The following PPARGC1A variants were observed in gnomAD, a reference collection of about 807,000 sequenced individuals.
PPARGC1A encodes the protein peroxisome proliferator-activated receptor gamma coactivator 1-alpha.
A neutral mutation model predicts 88.7 loss-of-function variants in PPARGC1A; 25 were observed. The observed-to-expected ratio is 0.28, with a 90% confidence interval of 0.21 to 0.39. The LOEUF is 0.39. Among genes scored for constraint, PPARGC1A ranks in the 10% least tolerant of loss-of-function variants. The pLI, the probability that PPARGC1A is intolerant of heterozygous loss-of-function variation, is 1.00. For synonymous variants in PPARGC1A, 363 were observed against 355.6 expected (o/e 1.02, Z -0.24); for missense variants, 880 against 968.7 (o/e 0.91, Z 1.22).
the PPARGC1A span, among the ~76,000 whole-genome samples, chr4:24,253,010 T>C: frequency 1.1e-4 from 16 of 152,206 alleles, no homozygotes; most frequent in Non-Finnish European, 2.4e-4. Context: ...TCATTGTATT[T>C]GTAATTGGAC....
At chr4:23,945,173 T>C in the PPARGC1A span, among the ~76,000 whole-genome samples, 1 of 152,186 alleles carries the variant, frequency 6.6e-6, no homozygotes, top group Non-Finnish European at 1.5e-5. Flanking sequence ...ATAAAAAGTC[T>C]ATATTAGAAC....
intron 2 of PPARGC1A, among the ~76,000 whole-genome samples, chr4:23,852,747 C>T (rs1027892113): frequency 3.3e-5 from 5 of 152,060 alleles, no homozygotes; most frequent in African/African-American, 1.2e-4. Flanking sequence ...AGCATCATGC[C>T]ATGTTTTATA....
chr4:23,952,947 A>G, the PPARGC1A span, among the ~76,000 whole-genome samples: 6 of 152,040 alleles, frequency 3.9e-5, no homozygotes, highest in Non-Finnish European at 7.4e-5. Context: ...TAAACCTACT[A>G]TAATGCATTA....
At chr4:24,064,303 G>C in the PPARGC1A span, among the ~76,000 whole-genome samples, 4 of 152,202 alleles carry the variant, frequency 2.6e-5, no homozygotes, top group Non-Finnish European at 5.9e-5. Flanking sequence ...GTGGGTGCCT[G>C]TACACCCCTG....
the PPARGC1A span, among the ~76,000 whole-genome samples, chr4:24,134,676 A>T: frequency 5.9e-5 from 9 of 152,350 alleles, no homozygotes; most frequent in East Asian, 1.7e-3. Context: ...TATTAATTCA[A>T]AATTTTCACA....
chr4:24,341,217 TTATA>T, the PPARGC1A span, among the ~76,000 whole-genome samples: 2 of 147,862 alleles, frequency 1.4e-5, no homozygotes, highest in Non-Finnish European at 3.0e-5. Flanking sequence ...ATATATATAA[TTATA>T]TATATATATA....
rs796639468 is a variant in PPARGC1A at position 23,795,655 on chromosome 4, A to G, written c.*167T>C. On this transcript the variant is annotated 3_prime_UTR_variant, in exon 13 of 13. Coordinates refer to ENST00000264867, the MANE Select transcript of PPARGC1A (RefSeq NM_013261.5). ...TGTGTTCATGTAAACCATTGTTGTT[A>G]TTGTTGTTGTTGTTCTTGTTGTATT... 1.8e-6 allele frequency: 1 copy of G among 560,256 alleles called. No individual in the cohort carries two copies. Among genetic ancestry groups the G allele is most frequent in the South Asian group, 2.3e-5 (1 of 43,662 alleles). The allele number at this position is 560,256 out of a possible 1,614,324, so 34.7% of individuals were successfully genotyped here.
At chr4:23,922,107 G>A in the PPARGC1A span, among the ~76,000 whole-genome samples, 23 of 152,320 alleles carry the variant, frequency 1.5e-4, no homozygotes, top group East Asian at 1.5e-3. Flanking sequence ...GGAATTTGCA[G>A]TCTTAAAGGG....
chr4:23,899,034 G>T (rs1364579589), intron 1 of PPARGC1A, among the ~76,000 whole-genome samples: 1 of 151,484 alleles, frequency 6.6e-6, no homozygotes, highest in South Asian at 2.1e-4. Flanking sequence ...TAGAGACGGG[G>T]TTTCACCATG....
At chr4:24,007,556 G>C in the PPARGC1A span, among the ~76,000 whole-genome samples, 53,237 of 147,124 alleles carry the variant, frequency 0.36, 9,835 homozygotes, top group Non-Finnish European at 0.43. Flanking sequence ...GAGAGGAAGT[G>C]ACAGAGGTTG....
At chr4:24,206,023 T>C in the PPARGC1A span, among the ~76,000 whole-genome samples, 1 of 152,094 alleles carries the variant, frequency 6.6e-6, no homozygotes, top group Non-Finnish European at 1.5e-5. Flanking sequence ...GGCAACTATA[T>C]CTCCATTCTG....
chr4:24,005,420 G>C, the PPARGC1A span, among the ~76,000 whole-genome samples: 2 of 152,086 alleles, frequency 1.3e-5, no homozygotes, highest in Non-Finnish European at 2.9e-5. Context: ...ACCCCTACCA[G>C]CTGGATAACC....
At chr4:24,033,347 A>T in the PPARGC1A span, among the ~76,000 whole-genome samples, 3 of 152,154 alleles carry the variant, frequency 2.0e-5, no homozygotes, top group Non-Finnish European at 4.4e-5. Flanking sequence ...TTTATTTAGC[A>T]CTTACTGTTT....
At chr4:23,891,224 A>G (rs1364101591), upstream of PPARGC1A, among the ~76,000 whole-genome samples, 1 of 152,326 alleles carries the variant, frequency 6.6e-6, no homozygotes, top group Non-Finnish European at 1.5e-5. Context: ...GTAACATGAC[A>G]GTGGTCTGAC....
intron 2 of PPARGC1A, among the ~76,000 whole-genome samples, chr4:23,832,171 C>G (rs972186924): frequency 6.6e-6 from 1 of 151,968 alleles, no homozygotes. Flanking sequence ...ATACAGCATA[C>G]CCCCCAAACT....
At chr4:24,145,856 T>C in the PPARGC1A span, among the ~76,000 whole-genome samples, 1 of 152,168 alleles carries the variant, frequency 6.6e-6, no homozygotes, top group African/African-American at 2.4e-5. Flanking sequence ...ATCGAAGTCA[T>C]TAGTGCCTGT....
the PPARGC1A span, among the ~76,000 whole-genome samples, chr4:24,173,277 T>C: frequency 3.5e-5 from 5 of 144,334 alleles, no homozygotes; most frequent in African/African-American, 1.3e-4. Flanking sequence ...GAAATATCCA[T>C]ATTAAAAAAG....
In PPARGC1A at chr4:23,897,500, A is replaced by G. The variant is rs78684399; in HGVS notation, n.52+1767T>C. Among the ~76,000 whole-genome samples the G allele has an allele frequency of 8.0e-3, 1,225 of 152,342 alleles. 8 individuals carry two copies. Among genetic ancestry groups the G allele is most frequent in the Non-Finnish European group, 0.013 (871 of 68,024 alleles). On this transcript the variant is annotated intron_variant and non_coding_transcript_variant, in intron 1 of 3. Coordinates refer to the PPARGC1A transcript ENST00000507342. The stretch of plus-strand genomic sequence containing the variant: ...ATGGCCGGATTCAATTAAATCAAAG[A>G]TCTCTGCCAGATCTAAAATGCAGTG...
the PPARGC1A span, among the ~76,000 whole-genome samples, chr4:24,174,631 A>G: frequency 6.6e-6 from 1 of 152,176 alleles, no homozygotes; most frequent in Non-Finnish European, 1.5e-5. Flanking sequence ...TGAAAGACAG[A>G]CCCAAAGCTC....
Sources: gnomAD v4.1 joint callset for allele counts (sites outside exome capture counted in the v4.1 genomes callset) on GRCh38, gnomAD v4.1.1 for gene constraint, MANE v1.5 for transcripts, NCBI Gene and HGNC (gene_info 2026-07-23, HGNC 2026-07-21) for gene names.